The following LRRC8C variants were observed in gnomAD, a reference collection of about 807,000 sequenced individuals.
The protein encoded by LRRC8C is leucine rich repeat containing 8 VRAC subunit C.
LRRC8C carries 20 observed loss-of-function variants against 55.3 expected under a neutral mutation model. The ratio of observed to expected loss-of-function variants is 0.36; its 90% confidence interval spans 0.25 to 0.53. The LOEUF (loss-of-function observed/expected upper bound fraction) is 0.53, where lower values mean the gene tolerates loss of function less well. Ranked by LOEUF, LRRC8C falls within the 20% of genes least tolerant of loss-of-function variation. LRRC8C has a pLI of 0.92. For missense variants in LRRC8C, 659 were observed against 951.4 expected (o/e 0.69, Z 4.04); for synonymous variants, 376 against 360.7 (o/e 1.04, Z -0.48).
chr1:89,706,235 T>C (rs1658479207), intron 2 of LRRC8C: 3 of 453,564 alleles, frequency 6.6e-6, no homozygotes, highest in Non-Finnish European at 1.3e-5. Flanking sequence ...AATTCAGCAT[T>C]TATGTTCTAC....
intron 1 of LRRC8C, among the ~76,000 whole-genome samples, chr1:89,643,456 G>T (rs1215832133): frequency 1.3e-5 from 2 of 152,226 alleles, no homozygotes; most frequent in Non-Finnish European, 2.9e-5. Context: ...AATGTGTATA[G>T]TAATGACTAC....
intron 1 of LRRC8C, among the ~76,000 whole-genome samples, chr1:89,662,211 T>C (rs1657140492): frequency 6.6e-6 from 1 of 152,144 alleles, no homozygotes; most frequent in Non-Finnish European, 1.5e-5. Context: ...CAAATTTCTG[T>C]TGGGTCATAT....
chr1:89,669,795 G>C (rs1235812699), intron 1 of LRRC8C, among the ~76,000 whole-genome samples: 1 of 152,128 alleles, frequency 6.6e-6, no homozygotes, highest in Non-Finnish European at 1.5e-5. Flanking sequence ...ATATTAATAT[G>C]ATTGTCTGCC....
intron 2 of LRRC8C, among the ~76,000 whole-genome samples, chr1:89,694,920 A>G (rs1035360820): frequency 2.7e-5 from 4 of 148,814 alleles, no homozygotes; most frequent in African/African-American, 1.0e-4. Flanking sequence ...TAAAAGTATA[A>G]AGACTTTTTT....
In LRRC8C at chr1:89,665,064, G is replaced by C. The variant is rs150001444; in HGVS notation, c.-4-21406G>C. Reference sequence around the variant, plus strand: ...TGGGGTTTTCTAAATATACAATCATGTCATCTGCAAACAGAGACAATTTGA... The same window carrying C: ...TGGGGTTTTCTAAATATACAATCATCTCATCTGCAAACAGAGACAATTTGA... On this transcript the variant is annotated intron_variant, in intron 1 of 2. Coordinates refer to ENST00000370454, the MANE Select transcript of LRRC8C (RefSeq NM_032270.5). Among the ~76,000 whole-genome samples the C allele has an allele frequency of 3.4e-3, 518 of 152,308 alleles. 1 individual carries two copies. The highest frequency in any genetic ancestry group is 0.014 in the Middle Eastern group (4 of 294).
intron 1 of LRRC8C, among the ~76,000 whole-genome samples, chr1:89,656,657 T>C (rs1656951099): frequency 6.6e-6 from 1 of 152,186 alleles, no homozygotes; most frequent in South Asian, 2.1e-4. Flanking sequence ...GGAATTGGCC[T>C]TGAGGCAATT....
chr1:89,705,758 A>G (rs999550745), intron 2 of LRRC8C, among the ~76,000 whole-genome samples: 3 of 152,124 alleles, frequency 2.0e-5, no homozygotes, highest in Non-Finnish European at 2.9e-5. Context: ...CCAGCCTGGC[A>G]ACAGAGCAAG....
At chr1:89,676,603 A>G (rs113521504) in intron 1 of LRRC8C, among the ~76,000 whole-genome samples, 3 of 152,338 alleles carry the variant, frequency 2.0e-5, no homozygotes, top group African/African-American at 7.2e-5. Context: ...GGTGATAAGC[A>G]TGGATAAGTC....
intron 1 of LRRC8C, among the ~76,000 whole-genome samples, chr1:89,639,074 C>T (rs1314723650): frequency 6.6e-6 from 1 of 151,524 alleles, no homozygotes; most frequent in Non-Finnish European, 1.5e-5. Context: ...CAACCTCTGC[C>T]TCCTGGGTCC....
intron 1 of LRRC8C, among the ~76,000 whole-genome samples, chr1:89,682,517 C>G (rs1320186828): frequency 6.6e-6 from 1 of 152,144 alleles, no homozygotes; most frequent in Non-Finnish European, 1.5e-5. Context: ...GCAACCTAGA[C>G]CTTTTTAAGG....
chr1:89,661,874 G>A (rs1458354327), intron 1 of LRRC8C, among the ~76,000 whole-genome samples: 1 of 133,468 alleles, frequency 7.5e-6, no homozygotes, highest in Non-Finnish European at 1.7e-5. Flanking sequence ...GTGAAGGCTT[G>A]GACCAGAGGA....
intron 2 of LRRC8C, among the ~76,000 whole-genome samples, chr1:89,694,011 T>C (rs1192457904): frequency 9.2e-5 from 14 of 152,034 alleles, no homozygotes; most frequent in Admixed American, 7.9e-4. Flanking sequence ...CTAGGGTCTT[T>C]GGGGAATATA....
In LRRC8C at chr1:89,715,099, G is replaced by A. The variant is rs1658779239; in HGVS notation, c.*117G>A. 2 of 555,546 alleles carry A rather than the reference G, an allele frequency of 3.6e-6. No homozygotes were observed. The highest frequency in any genetic ancestry group is 6.1e-6 in the Non-Finnish European group (2 of 327,188). 34.4% of individuals were successfully genotyped at this position (555,546 alleles called of 1,614,324 possible). A position where few individuals can be genotyped will look rare whatever the true frequency, so the allele number is the denominator to read the frequency against. ...CCTTTTCACACAAAATGTACACAAA[G>A]ATCGCGTAAGGAGTATGTATTTTTA... On this transcript the variant is annotated 3_prime_UTR_variant, in exon 3 of 3. Transcript: ENST00000370454.
At chr1:89,642,584 T>G (rs769863083) in intron 1 of LRRC8C, among the ~76,000 whole-genome samples, 3 of 152,056 alleles carry the variant, frequency 2.0e-5, no homozygotes. Context: ...GCACAGTGGC[T>G]CACGCCTGTA....
intron 2 of LRRC8C, among the ~76,000 whole-genome samples, chr1:89,704,323 G>T (rs1261753485): frequency 6.6e-6 from 1 of 152,050 alleles, no homozygotes; most frequent in African/African-American, 2.4e-5. Flanking sequence ...ACACTTTTTA[G>T]TAGCAAAACT....
chr1:89,677,443 T>A (rs897363238), intron 1 of LRRC8C, among the ~76,000 whole-genome samples: 2 of 152,232 alleles, frequency 1.3e-5, no homozygotes, highest in Admixed American at 6.5e-5. Flanking sequence ...TCTTTTATAT[T>A]GTCAAATAAG....
At chr1:89,705,347 G>T (rs963516664) in intron 2 of LRRC8C, among the ~76,000 whole-genome samples, 158 of 150,802 alleles carry the variant, frequency 1.0e-3, no homozygotes, top group Middle Eastern at 6.8e-3. Context: ...TGGGTGCAGC[G>T]CACCAGCATG....
At chr1:89,702,529 G>A (rs1332077999) in intron 2 of LRRC8C, among the ~76,000 whole-genome samples, 1 of 151,992 alleles carries the variant, frequency 6.6e-6, no homozygotes. Context: ...GAGCCCAGGA[G>A]TTCAAAACCA....
chr1:89,712,205 T>A (rs1658668297), intron 2 of LRRC8C, among the ~76,000 whole-genome samples: 1 of 152,128 alleles, frequency 6.6e-6, no homozygotes, highest in African/African-American at 2.4e-5. Flanking sequence ...CTCCACCTCC[T>A]GGGTTCAAGC....
Sources: gnomAD v4.1 joint callset for allele counts (sites outside exome capture counted in the v4.1 genomes callset) on GRCh38, gnomAD v4.1.1 for gene constraint, MANE v1.5 for transcripts, NCBI Gene and HGNC (gene_info 2026-07-23, HGNC 2026-07-21) for gene names.